SERINC3: variants seen among roughly 807,000 people sequenced by gnomAD.
SERINC3 encodes the protein serine incorporator 3.
A neutral mutation model predicts 52.1 loss-of-function variants in SERINC3; 22 were observed. The ratio of observed to expected loss-of-function variants is 0.42; its 90% CI spans 0.30 to 0.60. The LOEUF is 0.60. Ranked by LOEUF, SERINC3 falls within the 20% of genes least tolerant of loss-of-function variation. The pLI is 0.16. For synonymous variants in SERINC3, 226 were observed against 212.7 expected (o/e 1.06, Z -0.54); for missense variants, 564 against 584.6 (o/e 0.96, Z 0.36).
In SERINC3 at chr20:44,501,284, T is replaced by C; in HGVS notation, c.1072A>G (p.Asn358Asp). 4 of 1,614,074 alleles carry C rather than the reference T, an allele frequency of 2.5e-6. No homozygotes were observed. The highest frequency in any genetic ancestry group is 3.4e-6 in the Non-Finnish European group (4 of 1,179,990). The change falls in exon 9 of 10, where the codon AAT (asparagine) becomes GAT (aspartate). Residue 358 changes from asparagine (N) to aspartate (D), a missense_variant. By Grantham distance (23) the Asn-to-Asp change is conservative. Coordinates refer to ENST00000342374, the MANE Select transcript of SERINC3 (RefSeq NM_006811.4). ...LLYSSIRTST[N>D]SQVDKLTLSG... ...AGGGTCAGCTTGTCTACTTGGCTAT[T>C]AGTGGAAGTGCGGATGCTGGAAAGT...
intron 4 of SERINC3, among the ~76,000 whole-genome samples, chr20:44,510,276 T>C (rs553420614): frequency 1.3e-5 from 2 of 152,272 alleles, no homozygotes; most frequent in African/African-American, 4.8e-5. Flanking sequence ...ATACTATAAG[T>C]CTTTTCTTTT....
rs2064319194 is a variant in SERINC3, at chr20:44,507,006, G to A, written c.614-10C>T. The A allele has an allele frequency of 1.9e-6, 3 of 1,583,606 alleles. No individual in the cohort carries two copies. The highest frequency in any genetic ancestry group is 1.7e-6 in the Non-Finnish European group (2 of 1,167,442). ...GTGAAAGACAGTAAAGCTGGAGAAA[G>A]GGAAACCAATATGAATGACCACAAC... On this transcript the variant is annotated splice_polypyrimidine_tract_variant and intron_variant, in intron 5 of 9. Transcript: ENST00000342374.
downstream of SERINC3, among the ~76,000 whole-genome samples, chr20:44,496,748 G>C (rs2064251440): frequency 6.6e-6 from 1 of 152,028 alleles, no homozygotes. Context: ...GAGCCAAGAT[G>C]GCACCACTGC....
intron 8 of SERINC3, among the ~76,000 whole-genome samples, chr20:44,502,585 CAA>C (rs1276917464): frequency 0.14 from 9,950 of 73,506 alleles, 341 homozygotes; most frequent in Middle Eastern, 0.2. Context: ...TTCTTCTCTT[CAA>C]AAAAAAAAAA....
intron 7 of SERINC3, 130 bp downstream of exon 7, chr20:44,504,671 G>A (rs1732752369): frequency 4.4e-6 from 3 of 678,252 alleles, no homozygotes; most frequent in Admixed American, 2.6e-5. Flanking sequence ...AACCTACAGT[G>A]AACACTGTAC....
At chr20:44,502,496 T>A (rs754100399) in intron 8 of SERINC3, among the ~76,000 whole-genome samples, 13 of 148,544 alleles carry the variant, frequency 8.8e-5, no homozygotes, top group Admixed American at 5.5e-4. Context: ...GGTGGGAGGA[T>A]CACTTGAGAC....
At chr20:44,502,580 C>A (rs1467840410) in intron 8 of SERINC3, among the ~76,000 whole-genome samples, 1 of 133,138 alleles carries the variant, frequency 7.5e-6, no homozygotes, top group African/African-American at 3.0e-5. Context: ...AACACTTCTT[C>A]TCTTCAAAAA....
rs1487967691 is a variant in SERINC3 at position 44,500,447 on chromosome 20, G to T, written c.1284-13C>A. On this transcript the variant is annotated splice_polypyrimidine_tract_variant and intron_variant, in intron 9 of 9. Transcript: ENST00000342374. ...CTTTGCATCAGGGCTAAGAAAACAA[G>T]AGAGAGTCAGGTAGAAAAGCCTGGT... 1 of 1,555,438 alleles carries T rather than the reference G, an allele frequency of 6.4e-7. No individual in the cohort carries two copies. The highest frequency in any genetic ancestry group is 1.7e-4 in the Middle Eastern group (1 of 6,008).
chr20:44,516,119 T>C (rs978842579), intron 1 of SERINC3, among the ~76,000 whole-genome samples: 4 of 152,044 alleles, frequency 2.6e-5, no homozygotes, highest in African/African-American at 9.7e-5. Context: ...CTGGCCAAGA[T>C]GGTGAAACCC....
intron 1 of SERINC3, among the ~76,000 whole-genome samples, chr20:44,521,268 A>G (rs1407511847): frequency 1.3e-5 from 2 of 152,226 alleles, no homozygotes. Context: ...TTTTCTCTTT[A>G]AAATGTTTAC....
At chr20:44,502,363 G>T (rs1161002003) in intron 8 of SERINC3, among the ~76,000 whole-genome samples, 1 of 152,116 alleles carries the variant, frequency 6.6e-6, no homozygotes, top group Non-Finnish European at 1.5e-5. Context: ...GAGGTGGGAG[G>T]ATCGCCAGAG....
At chr20:44,520,983 G>A (rs2064412962) in intron 1 of SERINC3, among the ~76,000 whole-genome samples, 1 of 152,172 alleles carries the variant, frequency 6.6e-6, no homozygotes, top group Non-Finnish European at 1.5e-5. Context: ...GTGATTTGAT[G>A]CTATCTCCAA....
downstream of SERINC3, chr20:44,497,373 G>A (rs2064254293): frequency 6.6e-6 from 1 of 152,194 alleles, no homozygotes; most frequent in Non-Finnish European, 1.5e-5. Context: ...GTAGGACCAA[G>A]CAAAGCAGGG....
intron 1 of SERINC3, among the ~76,000 whole-genome samples, chr20:44,520,997 G>C (rs935939021): frequency 2.0e-5 from 3 of 152,198 alleles, no homozygotes; most frequent in Non-Finnish European, 4.4e-5. Flanking sequence ...TCTCCAAGTA[G>C]AGAGCTTCGG....
At position 44,498,814 on chromosome 20, in the gene SERINC3, C is replaced by T. The variant is rs1240594222; in HGVS notation, c.*1482G>A. The T allele has an allele frequency of 6.6e-6, 1 of 152,162 alleles. No homozygotes were observed. Among genetic ancestry groups the T allele is most frequent in the African/African-American group, 2.4e-5 (1 of 41,428 alleles). 9.4% of individuals were successfully genotyped at this position (152,162 alleles called of 1,614,324 possible). A position where few individuals can be genotyped will look rare whatever the true frequency, so the allele number is the denominator to read the frequency against. ...CTCAACATAAGGTCCAAACTCTTTA[C>T]TGAGGTTGATAAAGCCCTTTAAAAT... On this transcript the variant is annotated 3_prime_UTR_variant, in exon 10 of 10. Transcript: ENST00000342374.
intron 2 of SERINC3, among the ~76,000 whole-genome samples, chr20:44,513,340 C>G (rs2064360257): frequency 6.6e-6 from 1 of 151,926 alleles, no homozygotes; most frequent in African/African-American, 2.4e-5. Flanking sequence ...CAAAAAATTA[C>G]CCGGGCATGG....
At chr20:44,506,300 A>AAAAC (rs2064312413) in intron 6 of SERINC3, among the ~76,000 whole-genome samples, 1 of 147,400 alleles carries the variant, frequency 6.8e-6, no homozygotes, top group Non-Finnish European at 1.5e-5. Context: ...AAAAAAAAAA[A>AAAAC]GACTCATTCC....
At chr20:44,501,880 A>G (rs1460073015) in intron 8 of SERINC3, among the ~76,000 whole-genome samples, 1 of 152,266 alleles carries the variant, frequency 6.6e-6, no homozygotes, top group Non-Finnish European at 1.5e-5. Context: ...ATGTAAATAC[A>G]AAAACAGGAC....
chr20:44,501,324 CA>C (rs1269677041), intron 8 of SERINC3, 24 bp from the exon 9 acceptor site: 1 of 1,598,074 alleles, frequency 6.3e-7, no homozygotes, highest in Non-Finnish European at 8.6e-7. Context: ...CCAAGGAAGA[CA>C]AATCAGAAAG....
Sources: allele counts gnomAD v4.1 joint callset (sites outside exome capture counted in the v4.1 genomes callset), GRCh38; gene constraint gnomAD v4.1.1; transcripts MANE v1.5; gene names NCBI Gene and HGNC (gene_info 2026-07-23, HGNC 2026-07-21).